The following SLC9A9 variants were observed in gnomAD, a reference collection of about 807,000 sequenced individuals.
SLC9A9 encodes sodium/hydrogen exchanger 9.
SLC9A9 carries 62 observed loss-of-function variants against 77.8 expected under a neutral mutation model. The observed-to-expected ratio is 0.80, with a 90% CI of 0.65 to 0.98. The LOEUF (loss-of-function observed/expected upper bound fraction) is 0.98. Among genes scored for constraint, SLC9A9 ranks in the 50% least tolerant of loss-of-function variants. The pLI is 0.00. For synonymous variants in SLC9A9, 320 were observed against 283.5 expected, an observed-to-expected ratio of 1.13 and a Z score of -1.29; for missense variants, 775 against 774.9, an observed-to-expected ratio of 1.00 and a Z score of 0.00.
intron 4 of SLC9A9, among the ~76,000 whole-genome samples, chr3:143,741,283 A>G (rs1935067190): frequency 1.3e-5 from 2 of 152,172 alleles, no homozygotes; most frequent in East Asian, 1.9e-4. Context: ...CCCCCAAAAA[A>G]TCACCCCATT....
At chr3:143,516,152 T>C (rs942947828) in intron 9 of SLC9A9, among the ~76,000 whole-genome samples, 1 of 152,212 alleles carries the variant, frequency 6.6e-6, no homozygotes, top group African/African-American at 2.4e-5. Flanking sequence ...CTGATGTATT[T>C]GCATAAACTG....
At chr3:143,730,966 A>T (rs1934788969) in intron 4 of SLC9A9, among the ~76,000 whole-genome samples, 1 of 152,198 alleles carries the variant, frequency 6.6e-6, no homozygotes, top group African/African-American at 2.4e-5. Flanking sequence ...TTTTTTCATT[A>T]GATCAACAGA....
intron 6 of SLC9A9, among the ~76,000 whole-genome samples, chr3:143,648,401 G>A (rs2038739093): frequency 6.6e-6 from 1 of 152,122 alleles, no homozygotes; most frequent in African/African-American, 2.4e-5. Context: ...CCTCACATGC[G>A]CAGTTCACAA....
intron 5 of SLC9A9, chr3:143,655,528 A>G: frequency 1.0e-6 from 1 of 985,368 alleles, no homozygotes; most frequent in Non-Finnish European, 1.2e-6. Context: ...GCAGATTTTC[A>G]TGCTTCACTT....
At chr3:143,728,336 A>G (rs1488716070) in intron 4 of SLC9A9, among the ~76,000 whole-genome samples, 1 of 152,174 alleles carries the variant, frequency 6.6e-6, no homozygotes, top group Non-Finnish European at 1.5e-5. Flanking sequence ...AGCTGCAATG[A>G]GAAGGATAAG....
At chr3:143,668,846 C>A (rs572927576) in intron 5 of SLC9A9, among the ~76,000 whole-genome samples, 69 of 152,310 alleles carry the variant, frequency 4.5e-4, no homozygotes, top group African/African-American at 1.6e-3. Context: ...AAAAAGCTTT[C>A]TCCATTTCAG....
intron 6 of SLC9A9, among the ~76,000 whole-genome samples, chr3:143,623,626 G>A (rs1294668933): frequency 1.3e-5 from 2 of 151,968 alleles, no homozygotes; most frequent in Admixed American, 6.6e-5. Flanking sequence ...TGTGTAGAGG[G>A]AAATTTATAG....
At chr3:143,492,153 GT>G (rs1049196885) in intron 11 of SLC9A9, among the ~76,000 whole-genome samples, 7 of 151,948 alleles carry the variant, frequency 4.6e-5, no homozygotes, top group Non-Finnish European at 1.0e-4. Context: ...TTAGCCGGGC[GT>G]GGTGGCAGGC....
At chr3:143,641,701 C>A (rs544855515) in intron 6 of SLC9A9, among the ~76,000 whole-genome samples, 2 of 152,254 alleles carry the variant, frequency 1.3e-5, no homozygotes, top group South Asian at 4.2e-4. Flanking sequence ...CCTGTTGTCG[C>A]AGTCTTTTGC....
chr3:143,805,453 CTTA>C (rs2008685298), intron 2 of SLC9A9, among the ~76,000 whole-genome samples: 1 of 152,052 alleles, frequency 6.6e-6, no homozygotes. Flanking sequence ...TGTTATTTTT[CTTA>C]TTAATATAAG....
chr3:143,805,534 G>T (rs902614895), intron 2 of SLC9A9, among the ~76,000 whole-genome samples: 1 of 152,034 alleles, frequency 6.6e-6, no homozygotes, highest in Non-Finnish European at 1.5e-5. Context: ...TCACTTATAC[G>T]TCCAGATGGC....
chr3:143,379,089 C>T (rs7650368), intron 13 of SLC9A9, among the ~76,000 whole-genome samples: 119,150 of 151,698 alleles, frequency 0.79, 46,942 homozygotes, highest in African/African-American at 0.81. Flanking sequence ...TCAGTAACAG[C>T]TATAACTACC....
At chr3:143,617,517 C>T (rs894163822) in intron 6 of SLC9A9, among the ~76,000 whole-genome samples, 1 of 152,170 alleles carries the variant, frequency 6.6e-6, no homozygotes, top group Non-Finnish European at 1.5e-5. Context: ...TGCTCATTGT[C>T]TTTTCATTTA....
chr3:143,619,029 G>A (rs2038153655), intron 6 of SLC9A9, among the ~76,000 whole-genome samples: 1 of 152,144 alleles, frequency 6.6e-6, no homozygotes, highest in African/African-American at 2.4e-5. Context: ...TAATTTTACA[G>A]AAGAGAAAGA....
chr3:143,652,329 G>A lies in SLC9A9; in HGVS notation c.681C>T (p.His227=), dbSNP rs373061496. The A allele has an allele frequency of 7.9e-5, 128 of 1,612,796 alleles. No homozygotes were observed. Among genetic ancestry groups the A allele is most frequent in the Non-Finnish European group, 1.0e-4 (121 of 1,179,546 alleles). ...AGAGTGTGTACAGGTCAGGGTCGAC[G>A]TGCAGTTCATGGAAAATGGCCAGCA... The part of the protein sequence containing the change: ...VTVLAIFHEL[H]VDPDLYTLLF... Residue 227 remains histidine (H), a synonymous_variant, in exon 6 of 16, where the codon CAC becomes CAT. Coordinates refer to ENST00000316549, the MANE Select transcript of SLC9A9 (RefSeq NM_173653.4).
intron 4 of SLC9A9, among the ~76,000 whole-genome samples, chr3:143,769,147 T>C (rs1039217746): frequency 6.6e-6 from 1 of 152,174 alleles, no homozygotes; most frequent in African/African-American, 2.4e-5. Context: ...GTATTATAGA[T>C]AGTAAATATT....
intron 14 of SLC9A9, among the ~76,000 whole-genome samples, chr3:143,321,448 C>T (rs1233439674): frequency 6.6e-6 from 1 of 152,170 alleles, no homozygotes; most frequent in Non-Finnish European, 1.5e-5. Context: ...AGTATGGCCA[C>T]CTGAGGTCCT....
chr3:143,559,315 A>G (rs1428156372), intron 8 of SLC9A9, among the ~76,000 whole-genome samples: 1 of 152,182 alleles, frequency 6.6e-6, no homozygotes, highest in Non-Finnish European at 1.5e-5. Context: ...CCAGACTTGG[A>G]TTTATGTCTT....
At chr3:143,285,326 AT>A (rs1938353701) in intron 14 of SLC9A9, among the ~76,000 whole-genome samples, 1 of 152,068 alleles carries the variant, frequency 6.6e-6, no homozygotes, top group African/African-American at 2.4e-5. Flanking sequence ...GGTGTCTGGC[AT>A]TTGTATTGGA....
Sources: allele counts gnomAD v4.1 joint callset (sites outside exome capture counted in the v4.1 genomes callset), GRCh38; gene constraint gnomAD v4.1.1; transcripts MANE v1.5; gene names NCBI Gene and HGNC (gene_info 2026-07-23, HGNC 2026-07-21).